FHIT: variants seen among roughly 807,000 people sequenced by gnomAD.
The protein encoded by FHIT is fragile histidine triad diadenosine triphosphatase.
Under a neutral mutation model 17.9 loss-of-function variants are expected in FHIT, and 19 were observed. The observed-to-expected ratio is 1.06, with a 90% confidence interval of 0.74 to 1.56. FHIT has a LOEUF of 1.56. Among genes scored for constraint, FHIT ranks in the 40% most tolerant of loss-of-function variants. The probability of loss-of-function intolerance (pLI) is 0.00; values close to 1 mark genes in which losing one functional copy is unlikely to be tolerated. For missense variants in FHIT, 248 were observed against 189.2 expected (o/e 1.31, Z -1.82); for synonymous variants, 81 against 69.7 (o/e 1.16, Z -0.81).
intron 5 of FHIT, among the ~76,000 whole-genome samples, chr3:60,361,020 C>A (rs1699885378): frequency 6.6e-6 from 1 of 152,186 alleles, no homozygotes; most frequent in Non-Finnish European, 1.5e-5. Flanking sequence ...CACTGCTTAG[C>A]TTATCTATTT....
At chr3:61,108,795 C>G (rs2036067740) in intron 2 of FHIT, among the ~76,000 whole-genome samples, 1 of 152,142 alleles carries the variant, frequency 6.6e-6, no homozygotes, top group South Asian at 2.1e-4. Context: ...GCAGCCATAG[C>G]TAGGCTATCA....
chr3:60,629,436 G>C (rs142093722), intron 4 of FHIT, among the ~76,000 whole-genome samples: 1 of 152,140 alleles, frequency 6.6e-6, no homozygotes, highest in East Asian at 1.9e-4. Context: ...CATCAGTTAT[G>C]GATGTTTTCT....
At position 60,161,126 on chromosome 3, in the gene FHIT, G is replaced by A. The variant is rs918450751; in HGVS notation, c.104-146974C>T. ...CCTAACGAGTATGACAATAACAGAA[G>A]AACTGACTTGTGTGGCTATGTTTGG... On this transcript the variant is annotated intron_variant, in intron 5 of 9. Transcript: ENST00000492590. 2.0e-5 allele frequency among the ~76,000 whole-genome samples: 3 copies of A among 152,302 alleles called. No individual in the cohort carries two copies. In the East Asian group the frequency reaches 5.8e-4, roughly 29 times the overall value.
chr3:59,991,941 A>G (rs553833139), intron 7 of FHIT, among the ~76,000 whole-genome samples: 1 of 152,166 alleles, frequency 6.6e-6, no homozygotes, highest in Admixed American at 6.6e-5. Context: ...TATGTGACCC[A>G]ATAAATCATC....
At chr3:61,066,033 T>C (rs1166854547) in intron 2 of FHIT, among the ~76,000 whole-genome samples, 2 of 152,184 alleles carry the variant, frequency 1.3e-5, no homozygotes, top group Non-Finnish European at 2.9e-5. Context: ...GGCCCACATC[T>C]TGTGAAAGAC....
At chr3:60,447,633 G>C (rs1286985393) in intron 5 of FHIT, among the ~76,000 whole-genome samples, 2 of 152,028 alleles carry the variant, frequency 1.3e-5, no homozygotes, top group Non-Finnish European at 2.9e-5. Context: ...ATGGACACTA[G>C]GCAGAGGAAT....
At chr3:60,397,449 T>G (rs1170684316) in intron 5 of FHIT, among the ~76,000 whole-genome samples, 2 of 152,156 alleles carry the variant, frequency 1.3e-5, no homozygotes, top group African/African-American at 4.8e-5. Flanking sequence ...TGAGCCCATG[T>G]TCCAGTGAGA....
chr3:60,352,927 G>C (rs1474517011), intron 5 of FHIT, among the ~76,000 whole-genome samples: 1 of 152,072 alleles, frequency 6.6e-6, no homozygotes, highest in Admixed American at 6.6e-5. Flanking sequence ...TTCTCAGTGT[G>C]GGGGATTCAG....
chr3:60,100,545 G>A (rs74970186), intron 5 of FHIT, among the ~76,000 whole-genome samples: 1,572 of 152,246 alleles, frequency 0.01, 17 homozygotes, highest in African/African-American at 0.035. Context: ...GGCATAGGCA[G>A]AGGAGCCTTC....
intron 4 of FHIT, among the ~76,000 whole-genome samples, chr3:60,751,271 A>G (rs2042460581): frequency 6.6e-6 from 1 of 152,228 alleles, no homozygotes; most frequent in South Asian, 2.1e-4. Flanking sequence ...TTTATATAGG[A>G]GGAAACTGAG....
chr3:60,322,793 T>C (rs1425433089), intron 5 of FHIT, among the ~76,000 whole-genome samples: 1 of 152,186 alleles, frequency 6.6e-6, no homozygotes, highest in Non-Finnish European at 1.5e-5. Flanking sequence ...AGTACTATTT[T>C]TGTGCCCTTG....
At chr3:60,896,955 T>C (rs1342167695) in intron 3 of FHIT, among the ~76,000 whole-genome samples, 1 of 152,204 alleles carries the variant, frequency 6.6e-6, no homozygotes, top group Non-Finnish European at 1.5e-5. Context: ...TCATATCTTC[T>C]AGTTTATCCT....
At chr3:60,875,022 G>C (rs2107090322) in intron 3 of FHIT, among the ~76,000 whole-genome samples, 1 of 152,168 alleles carries the variant, frequency 6.6e-6, no homozygotes, top group Non-Finnish European at 1.5e-5. Context: ...TTTTAAAATG[G>C]GAGCATATGT....
At chr3:60,752,336 C>T (rs1162958466) in intron 4 of FHIT, among the ~76,000 whole-genome samples, 1 of 152,152 alleles carries the variant, frequency 6.6e-6, no homozygotes, top group East Asian at 1.9e-4. Context: ...TTTTATTTCC[C>T]AACAGATAAC....
At chr3:60,806,984 T>G (rs1447923) in intron 4 of FHIT, among the ~76,000 whole-genome samples, 4 of 152,018 alleles carry the variant, frequency 2.6e-5, no homozygotes, top group Admixed American at 2.6e-4. Flanking sequence ...CACCATGACT[T>G]ACCAATTTGT....
intron 2 of FHIT, among the ~76,000 whole-genome samples, chr3:61,069,004 TG>T (rs1259866892): frequency 6.6e-6 from 1 of 152,148 alleles, no homozygotes. Context: ...GTGAAATTCT[TG>T]GTTGAGAGAA....
chr3:59,984,152 A>G (rs895328162), intron 7 of FHIT, among the ~76,000 whole-genome samples: 1 of 152,080 alleles, frequency 6.6e-6, no homozygotes, highest in African/African-American at 2.4e-5. Flanking sequence ...CAGTAGTAGC[A>G]GGAGATATGC....
At chr3:60,811,806 C>A (rs1575554856) in intron 4 of FHIT, among the ~76,000 whole-genome samples, 1 of 152,096 alleles carries the variant, frequency 6.6e-6, no homozygotes, top group African/African-American at 2.4e-5. Flanking sequence ...GCTTCAGGGT[C>A]CTTATTTCTA....
chr3:60,841,455 C>T (rs545594404), intron 3 of FHIT, among the ~76,000 whole-genome samples: 12 of 152,258 alleles, frequency 7.9e-5, no homozygotes, highest in African/African-American at 2.2e-4. Flanking sequence ...GCTAATGTAC[C>T]GGAAAACTTA....
Sources: allele counts gnomAD v4.1 joint callset (sites outside exome capture counted in the v4.1 genomes callset), GRCh38; gene constraint gnomAD v4.1.1; transcripts MANE v1.5; gene names NCBI Gene and HGNC (gene_info 2026-07-23, HGNC 2026-07-21).